EFNB2: variants seen among roughly 807,000 people sequenced by gnomAD.
EFNB2 encodes the protein ephrin-B2.
In EFNB2, 5 loss-of-function variants were observed where a neutral mutation model predicts 32.1. The observed-to-expected ratio is 0.16, with a 90% CI of 0.08 to 0.33. The LOEUF (loss-of-function observed/expected upper bound fraction) is 0.33. EFNB2 is among the 10% of genes least tolerant of loss of function. EFNB2 has a pLI of 1.00. For missense variants in EFNB2, 263 were observed against 422.6 expected (o/e 0.62, Z 3.31); for synonymous variants, 168 against 166.5 (o/e 1.01, Z -0.07).
intron 2 of EFNB2, among the ~76,000 whole-genome samples, chr13:106,503,017 C>A (rs1878833797): frequency 6.6e-6 from 1 of 152,228 alleles, no homozygotes; most frequent in Non-Finnish European, 1.5e-5. Context: ...GCACCTCCCC[C>A]AACCCCCGAC....
At position 106,493,684 on chromosome 13, in the gene EFNB2, G is replaced by A. The variant is rs184801840; in HGVS notation, c.614-256C>T. On this transcript the variant is annotated intron_variant, in intron 4 of 4. Coordinates refer to ENST00000646441, the MANE Select transcript of EFNB2 (RefSeq NM_004093.4). The surrounding 1 kb of genome is among the most constrained non-coding windows in gnomAD (Gnocchi z 6.1). ...TTATCCAGCAAGAGCACAGACTGTC[G>A]GTGACAGCCAGCCCTTGATCTTGCT... is the stretch of plus-strand genomic sequence containing the variant. Among the ~76,000 whole-genome samples, 177 of 152,280 alleles carry A rather than the reference G, an allele frequency of 1.2e-3. No individual in the cohort carries two copies. Among genetic ancestry groups the A allele is most frequent in the African/African-American group, 4.0e-3 (165 of 41,564 alleles).
intron 2 of EFNB2, among the ~76,000 whole-genome samples, chr13:106,508,551 T>C (rs113695767): frequency 2.6e-5 from 4 of 152,260 alleles, no homozygotes; most frequent in African/African-American, 9.6e-5. Flanking sequence ...AATAGGTCAC[T>C]TGAAAAAGTC....
At chr13:106,502,881 C>T (rs1878828934) in intron 2 of EFNB2, among the ~76,000 whole-genome samples, 1 of 152,078 alleles carries the variant, frequency 6.6e-6, no homozygotes, top group South Asian at 2.1e-4. Context: ...GTGTGCGTGT[C>T]TACATGTGTG....
intron 2 of EFNB2, among the ~76,000 whole-genome samples, chr13:106,499,122 T>C (rs1878688629): frequency 6.6e-6 from 1 of 152,156 alleles, no homozygotes; most frequent in African/African-American, 2.4e-5. Flanking sequence ...TATAACGTAA[T>C]TCAAAATGAC....
intron 2 of EFNB2, among the ~76,000 whole-genome samples, chr13:106,510,974 G>A (rs1266484582): frequency 1.3e-5 from 2 of 152,048 alleles, no homozygotes; most frequent in African/African-American, 4.8e-5. Flanking sequence ...ACTCCAGCCT[G>A]ACGAAAGAGA....
intron 2 of EFNB2, among the ~76,000 whole-genome samples, chr13:106,502,820 ACACT>A (rs1341354806): frequency 1.4e-5 from 2 of 146,900 alleles, no homozygotes; most frequent in African/African-American, 5.2e-5. Context: ...CTGGCTACAG[ACACT>A]CAAGAGTGAA....
At chr13:106,502,185 T>C (rs1193531767) in intron 2 of EFNB2, among the ~76,000 whole-genome samples, 2 of 152,232 alleles carry the variant, frequency 1.3e-5, no homozygotes, top group African/African-American at 2.4e-5. Flanking sequence ...AATAACTGGC[T>C]TAGCTTCAGT....
chr13:106,530,757 T>C (rs1459665699), intron 1 of EFNB2, among the ~76,000 whole-genome samples: 2 of 152,180 alleles, frequency 1.3e-5, no homozygotes, highest in Non-Finnish European at 2.9e-5. Context: ...CGCCCGAAGT[T>C]TGGTGTCATA....
chr13:106,527,646 T>G (rs1046339110), intron 1 of EFNB2, among the ~76,000 whole-genome samples: 1 of 152,252 alleles, frequency 6.6e-6, no homozygotes, highest in Non-Finnish European at 1.5e-5. Flanking sequence ...GAGCCACTGC[T>G]GATTGTCTGC....
chr13:106,502,876 C>T (rs72656500), intron 2 of EFNB2, among the ~76,000 whole-genome samples: 13,525 of 152,018 alleles, frequency 0.089, 710 homozygotes, highest in Non-Finnish European at 0.12. Flanking sequence ...CACATGTGTG[C>T]GTGTCTACAT....
At chr13:106,513,279 C>A (rs1321478877) in intron 1 of EFNB2, among the ~76,000 whole-genome samples, 1 of 152,172 alleles carries the variant, frequency 6.6e-6, no homozygotes, top group Non-Finnish European at 1.5e-5. Flanking sequence ...TTTCCCTGTG[C>A]TGTTGATGTT....
chr13:106,495,663 G>A lies in EFNB2; in HGVS notation c.499+85C>T, dbSNP rs1594160508. ...AAAACTAAAAAGAAGAGCGAATGAA[G>A]GTGGGCATCGGCAACATTAGCACCA... is the stretch of plus-strand genomic sequence containing the variant. On this transcript the variant is annotated intron_variant, in intron 3 of 4. Coordinates refer to ENST00000646441, the MANE Select transcript of EFNB2 (RefSeq NM_004093.4). 1.2e-5 allele frequency: 15 copies of A among 1,264,254 alleles called. No individual in the cohort carries two copies. The African/African-American group carries it at 1.5e-4, about 13-fold the overall frequency. 78.3% of individuals were successfully genotyped at this position (1,264,254 alleles called of 1,614,324 possible). A position where few individuals can be genotyped will look rare whatever the true frequency, so the allele number is the denominator to read the frequency against.
intron 1 of EFNB2, among the ~76,000 whole-genome samples, chr13:106,513,529 A>T (rs1253395458): frequency 6.6e-6 from 1 of 151,982 alleles, no homozygotes; most frequent in Non-Finnish European, 1.5e-5. Flanking sequence ...CTTGAGATGT[A>T]TTTGCTCCAA....
chr13:106,512,919 A>G (rs1879190388), intron 1 of EFNB2, 107 bp from the exon 2 acceptor site: 2 of 912,692 alleles, frequency 2.2e-6, no homozygotes, highest in Non-Finnish European at 3.2e-6. Flanking sequence ...ACACATTTTC[A>G]GATTCACACT....
intron 2 of EFNB2, among the ~76,000 whole-genome samples, chr13:106,503,757 A>G (rs561362265): frequency 6.6e-6 from 1 of 150,952 alleles, no homozygotes; most frequent in Admixed American, 6.6e-5. Flanking sequence ...ATAAAACCCC[A>G]TGTCTTGAAA....
chr13:106,519,434 G>C (rs1879424820), intron 1 of EFNB2: 1 of 152,102 alleles, frequency 6.6e-6, no homozygotes, highest in African/African-American at 2.4e-5. Flanking sequence ...TGTGTGGGGG[G>C]GGAGGAGGCC....
intron 1 of EFNB2, among the ~76,000 whole-genome samples, chr13:106,523,172 A>AG (rs1405169918): frequency 6.6e-6 from 1 of 152,126 alleles, no homozygotes; most frequent in Non-Finnish European, 1.5e-5. Flanking sequence ...CCGTGAAGTT[A>AG]GGGAAGAAAA....
chr13:106,493,438 C>T lies in EFNB2; in HGVS notation c.614-10G>A, dbSNP rs192600408. ...CCGTCTGTGCTAGAACCTGCAGACGCGGAGACAGAAAAGGTCAGAGATAGT... is the reference window on the plus strand; with the variant it reads ...CCGTCTGTGCTAGAACCTGCAGACGTGGAGACAGAAAAGGTCAGAGATAGT... On this transcript the variant is annotated splice_polypyrimidine_tract_variant and intron_variant, in intron 4 of 4. Transcript: ENST00000646441. This position sits in a 1 kb window ranked among gnomAD's most constrained non-coding sequence, Gnocchi z 6.1. The T allele has an allele frequency of 1.6e-5, 26 of 1,599,918 alleles. 1 individual carries two copies. The highest frequency in any genetic ancestry group is 1.7e-4 in the Middle Eastern group (1 of 5,992).
intron 1 of EFNB2, among the ~76,000 whole-genome samples, chr13:106,532,411 C>T (rs1879906807): frequency 6.6e-6 from 1 of 152,188 alleles, no homozygotes; most frequent in African/African-American, 2.4e-5. Context: ...TTCATAGGAA[C>T]TGATGTGAAA....
Sources: allele counts gnomAD v4.1 joint callset (sites outside exome capture counted in the v4.1 genomes callset), GRCh38; gene constraint gnomAD v4.1.1; non-coding constraint Gnocchi (gnomAD v3.1); transcripts MANE v1.5; gene names NCBI Gene and HGNC (gene_info 2026-07-23, HGNC 2026-07-21).